Variants in AGRN observed in about 807,000 individuals in gnomAD.
AGRN encodes agrin proteoglycan.
AGRN carries 106 observed loss-of-function variants against 211.0 expected under a neutral mutation model. The observed-to-expected ratio is 0.50, with a 90% CI of 0.43 to 0.59. AGRN has a LOEUF of 0.59. Among genes scored for constraint, AGRN ranks in the 20% least tolerant of loss-of-function variants. The pLI, the probability that AGRN is intolerant of heterozygous loss-of-function variation, is 0.00. For synonymous variants in AGRN, 1,525 were observed against 1,332.5 expected, an observed-to-expected ratio of 1.14 and a Z score of -3.15; for missense variants, 3,040 against 2,982.6, an observed-to-expected ratio of 1.02 and a Z score of -0.45.
chr1:1,040,824 A>G lies in AGRN; in HGVS notation c.671A>G (p.Gln224Arg). ...ACCTACAGCAACGAATGCGAGCTGC[A>G]GCGGGCGCAGTGCAGCCAGCAGCGC... ...ASTYSNECEL[Q>R]RAQCSQQRRI... Residue 224 changes from glutamine (Q) to arginine (R), a missense_variant, in exon 4 of 36, where the codon CAG (glutamine) becomes CGG (arginine). Gln to Arg is a conservative substitution (Grantham distance 43). Transcript: ENST00000379370. 2.6e-6 allele frequency: 4 copies of G among 1,536,518 alleles called. No homozygotes were observed. The highest frequency in any genetic ancestry group is 3.5e-6 in the Non-Finnish European group (4 of 1,147,430).
intron 3 of AGRN, among the ~76,000 whole-genome samples, chr1:1,038,752 G>A (rs1252499849): frequency 1.3e-5 from 2 of 152,260 alleles, no homozygotes; most frequent in Non-Finnish European, 2.9e-5. Flanking sequence ...CCGAAGCCCA[G>A]GAGAACAGCT....
intron 2 of AGRN, among the ~76,000 whole-genome samples, chr1:1,029,115 T>C (rs1377957333): frequency 6.7e-6 from 1 of 149,558 alleles, no homozygotes; most frequent in African/African-American, 2.5e-5. Context: ...CGCCACCCTT[T>C]CCGAAGGAAC....
chr1:1,038,761 C>T lies in AGRN; in HGVS notation c.512-1904C>T, dbSNP rs116013160. On this transcript the variant is annotated intron_variant, in intron 3 of 35. Transcript: ENST00000379370. Reference sequence around the variant, plus strand: ...GTCCAGCCGAAGCCCAGGAGAACAGCTGGCTGGGCATCAGCAGGTGCCCGT... The same window carrying T: ...GTCCAGCCGAAGCCCAGGAGAACAGTTGGCTGGGCATCAGCAGGTGCCCGT... 2.5e-3 allele frequency among the ~76,000 whole-genome samples: 375 copies of T among 152,350 alleles called. 1 individual carries two copies. Among genetic ancestry groups the T allele is most frequent in the African/African-American group, 8.1e-3 (338 of 41,572 alleles).
intron 2 of AGRN, 51 bp from the exon 3 acceptor site, chr1:1,035,226 A>G (rs1423889593): frequency 6.3e-7 from 1 of 1,589,288 alleles, no homozygotes; most frequent in Non-Finnish European, 8.6e-7. Flanking sequence ...GGGATGGGAC[A>G]GGGAGGAGCC....
rs924947548 is a variant in AGRN, at chr1:1,028,330, C to A, written c.463+5868C>A. Among the ~76,000 whole-genome samples the A allele has an allele frequency of 1.7e-4, 24 of 141,638 alleles. 1 individual carries two copies. The highest frequency in any genetic ancestry group is 1.7e-3 in the South Asian group (7 of 4,150). The allele number at this position is 141,638 out of a possible 152,430, so 92.9% of individuals were successfully genotyped here. The stretch of plus-strand genomic sequence containing the variant: ...CTCCCGTGGGGAAACGCCCCCCCCC[C>A]CCCCCCGCCCTGCACCTGGCTGGCG... On this transcript the variant is annotated intron_variant, in intron 2 of 35. Transcript: ENST00000379370.
At position 1,049,119 on chromosome 1, in the gene AGRN, G is replaced by T; in HGVS notation, c.4298+60G>T. ...GGTGGGCGGGGAGGGGACGGGCGGG[G>T]GAGGGGGGGCCGGGGCAGCTCAGGT... is the stretch of plus-strand genomic sequence containing the variant. On this transcript the variant is annotated intron_variant, in intron 24 of 35. Coordinates refer to ENST00000379370, the MANE Select transcript of AGRN (RefSeq NM_198576.4). 2 of 995,382 alleles carry T rather than the reference G, an allele frequency of 2.0e-6. 1 individual carries two copies. The highest frequency in any genetic ancestry group is 3.7e-5 in the South Asian group (2 of 53,956). 61.7% of individuals were successfully genotyped at this position (995,382 alleles called of 1,614,324 possible).
rs769653766 is a variant in AGRN, at chr1:1,054,843, C to T, written c.6000C>T (p.Pro2000=). ...CTGCAGGGGGCCTGCCGGAGCTGCC[C>T]GTGGGCCCAGCACTGCCCAAGGCCT... ...ALWLGGLPEL[P]VGPALPKAYG... The change falls in exon 36 of 36, where the codon CCC becomes CCT. Residue 2000 remains proline, a synonymous_variant. Coordinates refer to ENST00000379370, the MANE Select transcript of AGRN (RefSeq NM_198576.4). 1.6e-5 allele frequency: 25 copies of T among 1,559,854 alleles called. No individual in the cohort carries two copies. Among genetic ancestry groups the T allele is most frequent in the African/African-American group, 6.8e-5 (5 of 73,690 alleles).
chr1:1,036,026 G>C (rs986615166), intron 3 of AGRN, among the ~76,000 whole-genome samples: 1 of 152,110 alleles, frequency 6.6e-6, no homozygotes, highest in Admixed American at 6.5e-5. Flanking sequence ...TGGCTCCCTC[G>C]CCAGGCCTGG....
intron 24 of AGRN, 22 bp downstream of exon 24, chr1:1,049,081 C>T: frequency 3.9e-6 from 5 of 1,278,490 alleles, no homozygotes; most frequent in Non-Finnish European, 5.2e-6. Flanking sequence ...GGGGACGGGG[C>T]CGGGGCAGCT....
At chr1:1,035,644 C>T (rs112283364) in intron 3 of AGRN, among the ~76,000 whole-genome samples, 62 of 152,318 alleles carry the variant, frequency 4.1e-4, no homozygotes, top group African/African-American at 1.1e-3. Flanking sequence ...GGCCAGAGTC[C>T]GGTCAGGGGG....
rs770137608 is a variant in AGRN, at chr1:1,044,406, G to A, written c.2221G>A (p.Gly741Arg). The A allele has an allele frequency of 6.2e-7, 1 of 1,612,204 alleles. No individual in the cohort carries two copies. Among genetic ancestry groups the A allele is most frequent in the South Asian group, 1.1e-5 (1 of 91,012 alleles). The change falls in exon 12 of 36, where the codon GGG becomes AGG. Residue 741 changes from glycine (G) to arginine (R), a missense_variant. Gly to Arg is a moderately radical substitution (Grantham distance 125). Around this residue, in one of 3 missense-constraint regions of AGRN, gnomAD observed 1,498 missense variants for 1,457.8 expected, o/e 1.03. Coordinates refer to ENST00000379370, the MANE Select transcript of AGRN (RefSeq NM_198576.4). ...LKKARCESQR[G>R]LYVAAQGACR... ...GAAGGCCAGGTGTGAGTCACAGCGA[G>A]GGCTCTACGTAGCGGCCCAGGGAGC...
chr1:1,025,775 G>A (rs1644508610), intron 2 of AGRN, among the ~76,000 whole-genome samples: 1 of 151,574 alleles, frequency 6.6e-6, no homozygotes, highest in African/African-American at 2.4e-5. Context: ...TCACCTCTGT[G>A]TCTCCCCACC....
rs1645082350 is a variant in AGRN at position 1,046,051 on chromosome 1, G to A, written c.2768G>A (p.Cys923Tyr). ...GAGTCTGGCTCAGCCCACTGTGTCT[G>A]CCCGATGCTCACCTGTCCAGAGGCC... ...VEESGSAHCV[C>Y]PMLTCPEANA... Residue 923 changes from cysteine to tyrosine, a missense_variant, in exon 16 of 36, where the codon TGC (cysteine) becomes TAC (tyrosine). Physicochemically the swap from Cys to Tyr is radical, Grantham distance 194 (BLOSUM62 -2). Coordinates refer to ENST00000379370, the MANE Select transcript of AGRN (RefSeq NM_198576.4). The A allele has an allele frequency of 6.2e-7, 1 of 1,614,048 alleles. No individual in the cohort carries two copies. Among genetic ancestry groups the A allele is most frequent in the Non-Finnish European group, 8.5e-7 (1 of 1,180,012 alleles).
intron 30 of AGRN, 138 bp from the exon 31 acceptor site, chr1:1,051,115 G>A: frequency 2.7e-6 from 4 of 1,465,264 alleles, no homozygotes; most frequent in Non-Finnish European, 2.7e-6. Context: ...CCCCACTAAG[G>A]ACCCTGCCAT....
intron 30 of AGRN, 137 bp downstream of exon 30, chr1:1,050,974 C>G: frequency 2.6e-6 from 4 of 1,550,838 alleles, no homozygotes; most frequent in South Asian, 1.2e-5. Context: ...CCTCTGCCTC[C>G]TCTGCCTCCC....
chr1:1,026,130 A>G (rs137959247), intron 2 of AGRN, among the ~76,000 whole-genome samples: 4 of 151,452 alleles, frequency 2.6e-5, no homozygotes, highest in Non-Finnish European at 5.9e-5. Context: ...TCCAGACCCC[A>G]CCCCACTCCC....
At position 1,041,325 on chromosome 1, in the gene AGRN, G is replaced by T; in HGVS notation, c.880G>T (p.Gly294Cys). The part of the protein sequence containing the change: ...VCGSDGADYP[G>C]ECQLLRRACA... The stretch of plus-strand genomic sequence containing the variant: ...CGGCAGCGACGGCGCCGACTACCCC[G>T]GCGAGTGCCAGCTCCTGCGCCGCGC... The change falls in exon 5 of 36, where the codon GGC becomes TGC. Residue 294 changes from glycine to cysteine, a missense_variant. Around this residue, in one of 3 missense-constraint regions of AGRN, gnomAD observed 1,498 missense variants for 1,457.8 expected, o/e 1.03. Coordinates refer to ENST00000379370, the MANE Select transcript of AGRN (RefSeq NM_198576.4). 6.6e-7 allele frequency: 1 copy of T among 1,525,796 alleles called. No individual in the cohort carries two copies. Among genetic ancestry groups the T allele is most frequent in the South Asian group, 1.2e-5 (1 of 83,140 alleles). The allele number at this position is 1,525,796 out of a possible 1,614,324, so 94.5% of individuals were successfully genotyped here. A position where few individuals can be genotyped will look rare whatever the true frequency, so the allele number is the denominator to read the frequency against.
Position 1,032,871 on chromosome 1 carries a change from A to G in AGRN, c.464-2406A>G, listed in dbSNP as rs13302943. 6.4e-3 allele frequency among the ~76,000 whole-genome samples: 968 copies of G among 152,146 alleles called. 3 individuals carry two copies. Among genetic ancestry groups the G allele is most frequent in the Non-Finnish European group, 9.4e-3 (641 of 67,984 alleles). On this transcript the variant is annotated intron_variant, in intron 2 of 35. Transcript: ENST00000379370. The surrounding 1 kb of genome is among the most constrained non-coding windows in gnomAD (Gnocchi z 4.7). Reference sequence around the variant, plus strand: ...CGGTCGCCGAGAGATTCTGGCCTCCAGGGTGGTCGGGCCTGGCATGGACTC... The same window carrying G: ...CGGTCGCCGAGAGATTCTGGCCTCCGGGGTGGTCGGGCCTGGCATGGACTC...
intron 35 of AGRN, 115 bp downstream of exon 35, chr1:1,054,666 TG>T: frequency 6.7e-7 from 1 of 1,485,236 alleles, no homozygotes; most frequent in Non-Finnish European, 9.1e-7. Flanking sequence ...GCCGGCGGGC[TG>T]GGCTCTCTTC....
Sources: allele counts gnomAD v4.1 joint callset (sites outside exome capture counted in the v4.1 genomes callset), GRCh38; gene constraint gnomAD v4.1.1; regional missense constraint gnomAD v4.1.1; non-coding constraint Gnocchi (gnomAD v3.1); transcripts MANE v1.5; gene names NCBI Gene and HGNC (gene_info 2026-07-23, HGNC 2026-07-21).